The following GALNTL6 variants were observed in gnomAD, a reference collection of about 807,000 sequenced individuals.
GALNTL6 encodes the protein polypeptide N-acetylgalactosaminyltransferase-like 6.
GALNTL6 carries 46 observed loss-of-function variants against 73.7 expected under a neutral mutation model. The ratio of observed to expected loss-of-function variants is 0.62; its 90% CI spans 0.49 to 0.80. The LOEUF (loss-of-function observed/expected upper bound fraction) is 0.80, where lower values mean the gene tolerates loss of function less well. Ranked by LOEUF, GALNTL6 falls within the 30% of genes least tolerant of loss-of-function variation. The probability of loss-of-function intolerance (pLI) is 0.00; values close to 1 mark genes in which losing one functional copy is unlikely to be tolerated. For synonymous variants in GALNTL6, 259 were observed against 263.7 expected (o/e 0.98, Z 0.17); for missense variants, 604 against 755.0 (o/e 0.80, Z 2.34).
intron 5 of GALNTL6, among the ~76,000 whole-genome samples, chr4:172,790,720 G>A (rs748275956): frequency 3.3e-5 from 5 of 151,900 alleles, no homozygotes; most frequent in South Asian, 4.2e-4. Flanking sequence ...GTGAAACTGC[G>A]TCTCTACTAA....
chr4:172,926,305 T>C (rs1013636651), intron 8 of GALNTL6, among the ~76,000 whole-genome samples: 1 of 152,156 alleles, frequency 6.6e-6, no homozygotes, highest in African/African-American at 2.4e-5. Flanking sequence ...ACCACCACAT[T>C]GGAGATTAAA....
At chr4:171,992,856 T>C (rs903221594) in intron 2 of GALNTL6, among the ~76,000 whole-genome samples, 2 of 152,020 alleles carry the variant, frequency 1.3e-5, no homozygotes, top group African/African-American at 2.4e-5. Flanking sequence ...TGTGCAGAAG[T>C]GTCTTAAGAA....
intron 2 of GALNTL6, among the ~76,000 whole-genome samples, chr4:171,982,447 G>A (rs111850556): frequency 0.02 from 2,965 of 152,036 alleles, 39 homozygotes; most frequent in African/African-American, 0.035. Flanking sequence ...ACAGGCGCCC[G>A]CCACCACGCC....
At chr4:172,205,956 CA>C (rs1236733309) in intron 2 of GALNTL6, among the ~76,000 whole-genome samples, 1 of 152,146 alleles carries the variant, frequency 6.6e-6, no homozygotes, top group Non-Finnish European at 1.5e-5. Flanking sequence ...GTGAAAAATG[CA>C]TTCTTTGTTT....
intron 9 of GALNTL6, among the ~76,000 whole-genome samples, chr4:172,949,955 G>C (rs1749363743): frequency 6.6e-6 from 1 of 151,344 alleles, no homozygotes; most frequent in Admixed American, 6.6e-5. Context: ...AAAAAAGAAA[G>C]AAAGAAAAGA....
At chr4:172,436,402 G>T (rs1334346104) in intron 5 of GALNTL6, among the ~76,000 whole-genome samples, 2 of 152,052 alleles carry the variant, frequency 1.3e-5, no homozygotes, top group Non-Finnish European at 2.9e-5. Flanking sequence ...ATTCAGCAAG[G>T]CATTGCCCAT....
intron 2 of GALNTL6, among the ~76,000 whole-genome samples, chr4:171,944,534 T>G (rs1290891284): frequency 1.3e-5 from 2 of 152,000 alleles, no homozygotes; most frequent in Non-Finnish European, 2.9e-5. Flanking sequence ...AAAGAAAAAG[T>G]CCTATTATTC....
chr4:172,437,161 C>T (rs1375542973), intron 5 of GALNTL6, among the ~76,000 whole-genome samples: 1 of 152,104 alleles, frequency 6.6e-6, no homozygotes, highest in Non-Finnish European at 1.5e-5. Context: ...ATTACCTATA[C>T]TTATGCTTCT....
At chr4:172,699,369 T>C (rs1234362467) in intron 5 of GALNTL6, among the ~76,000 whole-genome samples, 1 of 152,190 alleles carries the variant, frequency 6.6e-6, no homozygotes, top group Non-Finnish European at 1.5e-5. Flanking sequence ...CATGTGTAAC[T>C]AAACACAGAA....
intron 3 of GALNTL6, among the ~76,000 whole-genome samples, chr4:172,304,033 A>G (rs192561999): frequency 1.6e-4 from 24 of 151,884 alleles, no homozygotes; most frequent in Non-Finnish European, 3.1e-4. Flanking sequence ...CCAGCTCTCA[A>G]TGCTCCTAGA....
At chr4:172,039,792 A>G (rs1020525557) in intron 2 of GALNTL6, among the ~76,000 whole-genome samples, 2 of 152,178 alleles carry the variant, frequency 1.3e-5, no homozygotes, top group Non-Finnish European at 2.9e-5. Context: ...CAGTACCTAT[A>G]AAGGGATAAA....
At chr4:171,835,810 A>G (rs888550813) in intron 2 of GALNTL6, among the ~76,000 whole-genome samples, 3 of 152,020 alleles carry the variant, frequency 2.0e-5, no homozygotes, top group African/African-American at 7.2e-5. Context: ...TGTTAAAGAC[A>G]ACCTGTCAGA....
At chr4:172,716,769 G>T (rs1735127217) in intron 5 of GALNTL6, among the ~76,000 whole-genome samples, 1 of 152,210 alleles carries the variant, frequency 6.6e-6, no homozygotes, top group Non-Finnish European at 1.5e-5. Flanking sequence ...AAAATTATTT[G>T]AAAGAGAAGT....
rs1274598241 is a variant in GALNTL6, at chr4:172,070,473, A to T, written c.139-159183A>T. On this transcript the variant is annotated intron_variant, in intron 2 of 12. Transcript: ENST00000506823. ...TGGATTAATGTCAGCTCTACCTTCA[A>T]GAATGAATTAATGGATTAATGTCAC... Among the ~76,000 whole-genome samples, 5 of 110,154 alleles carry T rather than the reference A, an allele frequency of 4.5e-5. 1 individual carries two copies. The highest frequency in any genetic ancestry group is 8.1e-5 in the Non-Finnish European group (4 of 49,554). 72.3% of individuals were successfully genotyped at this position (110,154 alleles called of 152,430 possible). A position where few individuals can be genotyped will look rare whatever the true frequency, so the allele number is the denominator to read the frequency against.
intron 7 of GALNTL6, among the ~76,000 whole-genome samples, chr4:172,832,124 T>A (rs1399460002): frequency 6.6e-6 from 1 of 152,032 alleles, no homozygotes; most frequent in African/African-American, 2.4e-5. Flanking sequence ...CTTGAGGAAA[T>A]TGCTTTACTT....
At chr4:171,856,081 A>G (rs1476549384) in intron 2 of GALNTL6, among the ~76,000 whole-genome samples, 1 of 152,072 alleles carries the variant, frequency 6.6e-6, no homozygotes, top group Non-Finnish European at 1.5e-5. Context: ...TATATTTCAC[A>G]GAACAGATTT....
Position 172,704,809 on chromosome 4 carries a change from G to A in GALNTL6, c.554-104552G>A, listed in dbSNP as rs6813194. Among the ~76,000 whole-genome samples, 754 of 151,974 alleles carry A rather than the reference G, an allele frequency of 5.0e-3. 5 individuals are homozygous for A. Among genetic ancestry groups the A allele is most frequent in the African/African-American group, 0.017 (722 of 41,504 alleles). On this transcript the variant is annotated intron_variant, in intron 5 of 12. Coordinates refer to ENST00000506823, the MANE Select transcript of GALNTL6 (RefSeq NM_001034845.3). Reference sequence around the variant, plus strand: ...GATGTGGAAGTCTTGTACCATTATTGTATTGCAGTCTATCCTTTTAGGTCT... The same window carrying A: ...GATGTGGAAGTCTTGTACCATTATTATATTGCAGTCTATCCTTTTAGGTCT...
At chr4:171,825,893 T>C (rs1441633525) in intron 2 of GALNTL6, among the ~76,000 whole-genome samples, 1 of 152,200 alleles carries the variant, frequency 6.6e-6, no homozygotes, top group Non-Finnish European at 1.5e-5. Context: ...ATGTGTGTGA[T>C]GTGAGAAATA....
chr4:172,578,843 A>G (rs1737058109), intron 5 of GALNTL6, among the ~76,000 whole-genome samples: 1 of 152,226 alleles, frequency 6.6e-6, no homozygotes, highest in South Asian at 2.1e-4. Flanking sequence ...AAAGAAATTC[A>G]AATCTGCATA....
Sources: allele counts gnomAD v4.1 joint callset (sites outside exome capture counted in the v4.1 genomes callset), GRCh38; gene constraint gnomAD v4.1.1; transcripts MANE v1.5; gene names NCBI Gene and HGNC (gene_info 2026-07-23, HGNC 2026-07-21).